MAN1C1: variants seen among roughly 807,000 people sequenced by gnomAD.
MAN1C1 encodes the protein mannosidase alpha class 1C member 1, also known as mannosyl-oligosaccharide 1,2-alpha-mannosidase IC.
Under a neutral mutation model 71.5 loss-of-function variants are expected in MAN1C1, and 49 were observed. That is an observed-to-expected ratio of 0.69 (90% CI 0.54 to 0.87). MAN1C1 has a LOEUF of 0.87. Ranked by LOEUF, MAN1C1 falls within the 40% of genes least tolerant of loss-of-function variation. MAN1C1 has a pLI of 0.00. For synonymous variants in MAN1C1, 352 were observed against 343.7 expected (o/e 1.02, Z -0.27); for missense variants, 743 against 835.0 (o/e 0.89, Z 1.36).
In MAN1C1 at chr1:25,753,466, T is replaced by C; in HGVS notation, c.835-18T>C. On this transcript the variant is annotated intron_variant, in intron 4 of 11. Transcript: ENST00000374332. The surrounding 1 kb of genome is among the most constrained non-coding windows in gnomAD (Gnocchi z 4.9). ...ACCCAGCCTGGAGTCAAAAGCCCTT[T>C]GATCCCCTCCTTTACAGGTGTTCCG... The C allele has an allele frequency of 6.2e-7, 1 of 1,600,662 alleles. No individual in the cohort carries two copies. The highest frequency in any genetic ancestry group is 8.5e-7 in the Non-Finnish European group (1 of 1,170,436).
intron 1 of MAN1C1, among the ~76,000 whole-genome samples, chr1:25,668,301 G>T (rs1019168014): frequency 1.3e-5 from 2 of 151,680 alleles, no homozygotes; most frequent in Non-Finnish European, 2.9e-5. Flanking sequence ...CCTTCACGGT[G>T]CTTGTCACCA....
Position 25,617,858 on chromosome 1 carries a change from C to G in MAN1C1, c.61C>G (p.Gln21Glu). The G allele has an allele frequency of 6.2e-7, 1 of 1,607,630 alleles. No homozygotes were observed. Among genetic ancestry groups the G allele is most frequent in the Non-Finnish European group, 8.5e-7 (1 of 1,177,846 alleles). Residue 21 changes from glutamine to glutamate, a missense_variant, in exon 1 of 12, where the codon CAG (glutamine) becomes GAG (glutamate). Physicochemically the swap from Gln to Glu is conservative, Grantham distance 29 (BLOSUM62 2). Transcript: ENST00000374332. The surrounding 1 kb of genome is among the most constrained non-coding windows in gnomAD (Gnocchi z 5.1). ...CTCCCCGTGGGGGCTGCGGCTGCCGCAGAAGTTCCTCTTCCTCCTCTTCCT... is the reference window on the plus strand; with the variant it reads ...CTCCCCGTGGGGGCTGCGGCTGCCGGAGAAGTTCCTCTTCCTCCTCTTCCT... ...PASPWGLRLP[Q>E]KFLFLLFLSG... is the part of the protein sequence containing the mutation.
intron 1 of MAN1C1, among the ~76,000 whole-genome samples, chr1:25,676,565 C>G (rs1272468378): frequency 6.6e-6 from 1 of 152,188 alleles, no homozygotes; most frequent in Non-Finnish European, 1.5e-5. Context: ...AAAATCAACC[C>G]AATGTTCTAA....
intron 2 of MAN1C1, among the ~76,000 whole-genome samples, chr1:25,707,627 A>G (rs1390736035): frequency 4.6e-5 from 7 of 152,194 alleles, no homozygotes; most frequent in Non-Finnish European, 8.8e-5. Context: ...TGAACCAGCC[A>G]CTGGACAGGA....
intron 1 of MAN1C1, among the ~76,000 whole-genome samples, chr1:25,681,076 C>T (rs769104219): frequency 6.6e-6 from 1 of 151,300 alleles, no homozygotes; most frequent in Admixed American, 6.6e-5. Context: ...AAAAAAAAAT[C>T]TACTAAAAAA....
chr1:25,654,567 T>C (rs2045737238), intron 1 of MAN1C1, among the ~76,000 whole-genome samples: 2 of 152,186 alleles, frequency 1.3e-5, no homozygotes, highest in Non-Finnish European at 2.9e-5. Context: ...CTTTAATCTG[T>C]GTGTGGCTGC....
intron 1 of MAN1C1, among the ~76,000 whole-genome samples, chr1:25,648,650 C>A (rs958831046): frequency 1.3e-5 from 2 of 152,222 alleles, no homozygotes; most frequent in Non-Finnish European, 2.9e-5. Flanking sequence ...TGGCAGAAAT[C>A]TTTGAGTGGA....
chr1:25,742,471 C>T (rs1005288542), intron 2 of MAN1C1, among the ~76,000 whole-genome samples: 10 of 152,224 alleles, frequency 6.6e-5, no homozygotes, highest in African/African-American at 2.4e-5. Context: ...TGCAATCTCA[C>T]GCTCACGTTG....
In MAN1C1 at chr1:25,775,102, C is replaced by T. The variant is rs778813974; in HGVS notation, c.1258-3003C>T. On this transcript the variant is annotated intron_variant, in intron 8 of 11. Transcript: ENST00000374332. This position sits in a 1 kb window ranked among gnomAD's most constrained non-coding sequence, Gnocchi z 5.1. ...GAAGGTGCAGGTGCCAGGTCTGGTG[C>T]GCAGCATCCTGAGGTCTCCCTCAGA... 2.0e-5 allele frequency among the ~76,000 whole-genome samples: 3 copies of T among 152,218 alleles called. No homozygotes were observed. The highest frequency in any genetic ancestry group is 4.4e-5 in the Non-Finnish European group (3 of 68,038).
In MAN1C1 at chr1:25,746,803, CGGGGGAG is replaced by C; in HGVS notation, c.753+26_753+32del. On this transcript the variant is annotated intron_variant, in intron 3 of 11. Coordinates refer to ENST00000374332, the MANE Select transcript of MAN1C1 (RefSeq NM_020379.4). The surrounding 1 kb of genome is among the most constrained non-coding windows in gnomAD (Gnocchi z 4.0). Reference sequence around the variant, plus strand: ...AACGTGGTGAGTCAGAGGCCCTCGGCGGGGGAGGGGGGCGGGGGCCAGAAGAGGCCCA... The same window carrying C: ...AACGTGGTGAGTCAGAGGCCCTCGGCGGGGGCGGGGGCCAGAAGAGGCCCA... 3.3e-6 allele frequency: 1 copy of C among 303,316 alleles called. No homozygotes were observed. The highest frequency in any genetic ancestry group is 5.9e-6 in the Non-Finnish European group (1 of 170,754). 18.8% of individuals were successfully genotyped at this position (303,316 alleles called of 1,614,324 possible).
At chr1:25,743,614 A>T (rs758077761) in intron 2 of MAN1C1, among the ~76,000 whole-genome samples, 1 of 152,240 alleles carries the variant, frequency 6.6e-6, no homozygotes, top group South Asian at 2.1e-4. Context: ...GCCTGAGAGC[A>T]GGGGCAGGAA....
intron 1 of MAN1C1, among the ~76,000 whole-genome samples, chr1:25,668,590 C>T (rs1205635041): frequency 6.8e-6 from 1 of 146,940 alleles, no homozygotes; most frequent in African/African-American, 2.6e-5. Flanking sequence ...GAGTCTTGCT[C>T]AGTCACCCAG....
Position 25,639,103 on chromosome 1 carries a change from C to T in MAN1C1, c.540+20766C>T, listed in dbSNP as rs374521935. ...ATTTATAGTAACCTATCTTTAAGTT[C>T]ACTGAACGCTTCTGTAATGTACAAT... On this transcript the variant is annotated intron_variant, in intron 1 of 11. Coordinates refer to ENST00000374332, the MANE Select transcript of MAN1C1 (RefSeq NM_020379.4). Among the ~76,000 whole-genome samples the T allele has an allele frequency of 2.0e-4, 30 of 152,146 alleles. No individual in the cohort carries two copies. In the South Asian group the frequency reaches 5.6e-3, roughly 28 times the overall value.
In MAN1C1 at chr1:25,625,429, G is replaced by A. The variant is rs113008882; in HGVS notation, c.540+7092G>A. Among the ~76,000 whole-genome samples the A allele has an allele frequency of 3.1e-3, 471 of 152,252 alleles. 6 individuals are homozygous for A. The highest frequency in any genetic ancestry group is 0.011 in the African/African-American group (453 of 41,544). On this transcript the variant is annotated intron_variant, in intron 1 of 11. Coordinates refer to ENST00000374332, the MANE Select transcript of MAN1C1 (RefSeq NM_020379.4). ...AAAGTTCCTTTGCTCCTTGCCAGAC[G>A]ATTCCCCCATCATCAACCTCTCACC... is the stretch of plus-strand genomic sequence containing the variant.
chr1:25,753,597 C>A lies in MAN1C1; in HGVS notation c.929+19C>A, dbSNP rs1261776351. ...TCAAAAGGTAGGGCGCCATCGCGTTCCCCACTGGGGCTTTACTGCGACCAT... is the reference window on the plus strand; with the variant it reads ...TCAAAAGGTAGGGCGCCATCGCGTTACCCACTGGGGCTTTACTGCGACCAT... On this transcript the variant is annotated intron_variant, in intron 5 of 11. Coordinates refer to ENST00000374332, the MANE Select transcript of MAN1C1 (RefSeq NM_020379.4). The surrounding 1 kb of genome is among the most constrained non-coding windows in gnomAD (Gnocchi z 4.9). 7 of 1,606,388 alleles carry A rather than the reference C, an allele frequency of 4.4e-6. No individual in the cohort carries two copies. The highest frequency in any genetic ancestry group is 1.1e-5 in the South Asian group (1 of 90,604).
intron 1 of MAN1C1, chr1:25,645,058 C>T (rs2045594878): frequency 1.3e-5 from 2 of 152,364 alleles, no homozygotes; most frequent in South Asian, 2.1e-4. Flanking sequence ...ACCTGACTGC[C>T]TGCTGACCCT....
chr1:25,682,824 G>A (rs1435253390), intron 1 of MAN1C1, among the ~76,000 whole-genome samples: 1 of 152,056 alleles, frequency 6.6e-6, no homozygotes, highest in African/African-American at 2.4e-5. Context: ...AATCACTTGA[G>A]GTCAGGAGTT....
intron 1 of MAN1C1, among the ~76,000 whole-genome samples, chr1:25,647,954 T>C (rs1414440738): frequency 6.6e-6 from 1 of 152,136 alleles, no homozygotes; most frequent in African/African-American, 2.4e-5. Flanking sequence ...GCTGCAGGGC[T>C]ATCCTCCCAC....
intron 1 of MAN1C1, among the ~76,000 whole-genome samples, chr1:25,656,093 G>GTTTTTT (rs1557751359): frequency 6.3e-5 from 5 of 79,894 alleles, no homozygotes; most frequent in African/African-American, 4.3e-4. Context: ...GGGATTATCA[G>GTTTTTT]TCTTTTTTTT....
Sources: gnomAD v4.1 joint callset for allele counts (sites outside exome capture counted in the v4.1 genomes callset) on GRCh38, gnomAD v4.1.1 for gene constraint, Gnocchi (gnomAD v3.1) non-coding constraint, MANE v1.5 for transcripts, NCBI Gene and HGNC (gene_info 2026-07-23, HGNC 2026-07-21) for gene names.